ZC3H12C: variants seen among roughly 807,000 people sequenced by gnomAD.
ZC3H12C encodes probable ribonuclease ZC3H12C.
ZC3H12C carries 20 observed loss-of-function variants against 76.3 expected under a neutral mutation model. That is an observed-to-expected ratio of 0.26 (90% confidence interval 0.18 to 0.38). The LOEUF (loss-of-function observed/expected upper bound fraction) is 0.38, where lower values mean the gene tolerates loss of function less well. ZC3H12C is among the 10% of genes least tolerant of loss of function. The pLI is 1.00. For synonymous variants in ZC3H12C, 352 were observed against 399.6 expected, an observed-to-expected ratio of 0.88 and a Z score of 1.42; for missense variants, 874 against 1,086.5, an observed-to-expected ratio of 0.80 and a Z score of 2.75.
rs1270424732 is a variant in ZC3H12C at position 110,136,701 on chromosome 11, C to A, written c.60C>A (p.Asn20Lys). ...TTTGCATTCAGGAATACAGAAAAAA[C>A]AGCAAAGTGGAGTCAAGTACACGTA... The part of the protein sequence containing the change: ...GVLCIQEYRK[N>K]SKVESSTRNN... The change falls in exon 2 of 6, where the codon AAC (asparagine) becomes AAA (lysine). Residue 20 changes from asparagine to lysine, a missense_variant. Physicochemically the swap from Asn to Lys is moderately conservative, Grantham distance 94. This residue lies in a region of ZC3H12C where 210 missense variants were observed against 227.1 expected (regional missense o/e 0.92). Transcript: ENST00000278590. The A allele has an allele frequency of 1.2e-6, 2 of 1,613,670 alleles. No individual in the cohort carries two copies. The highest frequency in any genetic ancestry group is 2.2e-5 in the East Asian group (1 of 44,890).
At chr11:110,138,153 A>G (rs1862004941) in intron 2 of ZC3H12C, among the ~76,000 whole-genome samples, 5 of 152,052 alleles carry the variant, frequency 3.3e-5, no homozygotes, top group Non-Finnish European at 7.4e-5. Flanking sequence ...TGTGATTTTG[A>G]TGGCTCAATA....
At chr11:110,125,019 A>T (rs1861714411) in intron 1 of ZC3H12C, among the ~76,000 whole-genome samples, 1 of 152,202 alleles carries the variant, frequency 6.6e-6, no homozygotes, top group South Asian at 2.1e-4. Flanking sequence ...CTGGATCTTC[A>T]GTATGTATTA....
chr11:110,161,725 AT>A (rs1862485223), intron 4 of ZC3H12C, among the ~76,000 whole-genome samples: 1 of 152,222 alleles, frequency 6.6e-6, no homozygotes, highest in Admixed American at 6.5e-5. Context: ...TCATTTCTGT[AT>A]TATTTATAAT....
intron 2 of ZC3H12C, among the ~76,000 whole-genome samples, chr11:110,140,491 A>G (rs1862050053): frequency 6.6e-6 from 1 of 152,248 alleles, no homozygotes; most frequent in African/African-American, 2.4e-5. Context: ...ATGATGAAAG[A>G]AAAAGCCCAG....
rs746997224 is a variant in ZC3H12C, at chr11:110,137,239, G to A, written c.598G>A (p.Val200Ile). The stretch of plus-strand genomic sequence containing the variant: ...AATCAATGATATTTTGGGAGAACTT[G>A]TCAAACTTGGAAATAAAAGTGAGGC... ...ALINDILGEL[V>I]KLGNKSEADQ... The change falls in exon 2 of 6, where the codon GTC becomes ATC. Residue 200 changes from valine to isoleucine, a missense_variant. Val to Ile is a conservative substitution (Grantham distance 29). Coordinates refer to ENST00000278590, the MANE Select transcript of ZC3H12C (RefSeq NM_033390.2). The A allele has an allele frequency of 6.2e-7, 1 of 1,613,912 alleles. No individual in the cohort carries two copies. The highest frequency in any genetic ancestry group is 1.1e-5 in the South Asian group (1 of 91,060).
rs1180157279 is a variant in ZC3H12C at position 110,140,004 on chromosome 11, A to G, written c.773+2590A>G. 2.6e-5 allele frequency among the ~76,000 whole-genome samples: 4 copies of G among 151,112 alleles called. No homozygotes were observed. In the East Asian group the frequency reaches 5.9e-4, roughly 22 times the overall value. ...TTTTAGGTTCAGATGACTTGTCGTT[A>G]AGAAAATACAATTAAGGCCGGGCAC... On this transcript the variant is annotated intron_variant, in intron 2 of 5. Coordinates refer to ENST00000278590, the MANE Select transcript of ZC3H12C (RefSeq NM_033390.2).
At chr11:110,162,963 T>A (rs1185034999) in intron 4 of ZC3H12C, among the ~76,000 whole-genome samples, 1 of 152,186 alleles carries the variant, frequency 6.6e-6, no homozygotes, top group East Asian at 1.9e-4. Context: ...AAAGTGTCAC[T>A]GAAATCGTTT....
At chr11:110,123,746 T>C (rs1323138558) in intron 1 of ZC3H12C, among the ~76,000 whole-genome samples, 1 of 152,212 alleles carries the variant, frequency 6.6e-6, no homozygotes, top group Non-Finnish European at 1.5e-5. Flanking sequence ...ATAACAAAAC[T>C]CTTTTTATTC....
intron 1 of ZC3H12C, among the ~76,000 whole-genome samples, chr11:110,134,916 T>C (rs180759507): frequency 4.7e-4 from 72 of 152,336 alleles, no homozygotes; most frequent in Non-Finnish European, 9.4e-4. Context: ...GTATTTACCA[T>C]AGTTAATAAA....
intron 1 of ZC3H12C, among the ~76,000 whole-genome samples, chr11:110,133,814 A>G (rs1861908058): frequency 6.6e-6 from 1 of 152,204 alleles, no homozygotes; most frequent in Non-Finnish European, 1.5e-5. Context: ...TAGATAGAAG[A>G]TATAGAAAGA....
rs144279741 is a variant in ZC3H12C, at chr11:110,165,139, C to T, written c.2054C>T (p.Thr685Ile). The T allele has an allele frequency of 2.2e-5, 35 of 1,613,876 alleles. No homozygotes were observed. Among genetic ancestry groups the T allele is most frequent in the Non-Finnish European group, 2.8e-5 (33 of 1,179,892 alleles). ...PFLQNFHDPLTRGQSYSHEEP... is the reference protein window; with the variant it reads ...PFLQNFHDPLIRGQSYSHEEP... ...CTGCAGAATTTCCACGACCCCTTAA[C>T]CAGAGGGCAAAGTTACAGTCACGAA... Residue 685 changes from threonine to isoleucine, a missense_variant, in exon 6 of 6, where the codon ACC (threonine) becomes ATC (isoleucine). By Grantham distance (89) the Thr-to-Ile change is moderately conservative. This residue lies in a region of ZC3H12C where 395 missense variants were observed against 434.4 expected (regional missense o/e 0.91). Transcript: ENST00000278590.
At position 110,110,838 on chromosome 11, in the gene ZC3H12C, G is replaced by A. The variant is rs1396456590; in HGVS notation, c.21+17406G>A. ...AGGCAAATTTGGATTCTACAAATTA[G>A]AAAGATATTCTGTACTAAAAGAAAG... On this transcript the variant is annotated intron_variant, in intron 1 of 5. Coordinates refer to ENST00000278590, the MANE Select transcript of ZC3H12C (RefSeq NM_033390.2). 2.0e-5 allele frequency among the ~76,000 whole-genome samples: 3 copies of A among 152,184 alleles called. No homozygotes were observed. The East Asian group carries it at 5.8e-4, about 29-fold the overall frequency.
chr11:110,104,765 A>T (rs952197216), intron 1 of ZC3H12C, among the ~76,000 whole-genome samples: 2 of 152,226 alleles, frequency 1.3e-5, no homozygotes, highest in Non-Finnish European at 2.9e-5. Flanking sequence ...GTGATTCAAG[A>T]TAATGAGTAT....
At chr11:110,152,300 T>G (rs1029681923) in intron 2 of ZC3H12C, among the ~76,000 whole-genome samples, 1 of 152,232 alleles carries the variant, frequency 6.6e-6, no homozygotes, top group African/African-American at 2.4e-5. Context: ...ACGATATAGT[T>G]GAACAGAAAC....
rs1862659614 is a variant in ZC3H12C at position 110,170,579 on chromosome 11, ATC to A, written c.*4846_*4847del. The A allele has an allele frequency of 6.6e-6, 1 of 152,220 alleles. No individual in the cohort carries two copies. Among genetic ancestry groups the A allele is most frequent in the African/African-American group, 2.4e-5 (1 of 41,474 alleles). The allele number at this position is 152,220 out of a possible 1,614,324, so 9.4% of individuals were successfully genotyped here. The stretch of plus-strand genomic sequence containing the variant: ...TAACTCTTTATGAGAAATAAAATGT[ATC>A]TCTGCTTTGTCTGTCCAGATCTTTA... On this transcript the variant is annotated 3_prime_UTR_variant, in exon 6 of 6. Coordinates refer to ENST00000278590, the MANE Select transcript of ZC3H12C (RefSeq NM_033390.2).
At chr11:110,151,456 T>C (rs1398960565) in intron 2 of ZC3H12C, among the ~76,000 whole-genome samples, 1 of 152,184 alleles carries the variant, frequency 6.6e-6, no homozygotes, top group Non-Finnish European at 1.5e-5. Context: ...GGTATGGCGA[T>C]AGACATAATG....
intron 1 of ZC3H12C, among the ~76,000 whole-genome samples, chr11:110,102,033 C>T (rs1861226388): frequency 6.6e-6 from 1 of 151,556 alleles, no homozygotes; most frequent in South Asian, 2.1e-4. Context: ...CAGGGTACCA[C>T]CAAGAACTCT....
In ZC3H12C at chr11:110,168,244, AC is replaced by A. The variant is rs1862615019; in HGVS notation, c.*2510del. ...CTACTGAAGTGAGTAGCTCTGAACT[AC>A]CCACACTAAATCCTTCAGTGTAATT... On this transcript the variant is annotated 3_prime_UTR_variant, in exon 6 of 6. Transcript: ENST00000278590. 1 of 152,134 alleles carries A rather than the reference AC, an allele frequency of 6.6e-6. No homozygotes were observed. Among genetic ancestry groups the A allele is most frequent in the Admixed American group, 6.5e-5 (1 of 15,268 alleles). The allele number at this position is 152,134 out of a possible 1,614,324, so 9.4% of individuals were successfully genotyped here.
intron 2 of ZC3H12C, among the ~76,000 whole-genome samples, chr11:110,142,410 T>G (rs938867697): frequency 2.6e-5 from 4 of 152,134 alleles, no homozygotes; most frequent in African/African-American, 9.7e-5. Context: ...TTATACAAAA[T>G]GGGGAAAAAG....
Sources: gnomAD v4.1 joint callset for allele counts (sites outside exome capture counted in the v4.1 genomes callset) on GRCh38, gnomAD v4.1.1 for gene constraint, gnomAD v4.1.1 regional missense constraint, MANE v1.5 for transcripts, NCBI Gene and HGNC (gene_info 2026-07-23, HGNC 2026-07-21) for gene names.